Variants in STRN observed in about 807,000 individuals in gnomAD.
The protein encoded by STRN is striatin.
Under a neutral mutation model 96.3 loss-of-function variants are expected in STRN, and 53 were observed. The ratio of observed to expected loss-of-function variants is 0.55; its 90% CI spans 0.44 to 0.69. STRN has a LOEUF of 0.69. STRN is among the 30% of genes least tolerant of loss of function. The probability of loss-of-function intolerance (pLI) is 0.00; values close to 1 mark genes in which losing one functional copy is unlikely to be tolerated. For missense variants in STRN, 987 were observed against 963.9 expected (o/e 1.02, Z -0.32); for synonymous variants, 428 against 355.9 (o/e 1.20, Z -2.28).
In STRN at chr2:36,848,473, A is replaced by G. The variant is rs944623289; in HGVS notation, c.*983T>C. The G allele has an allele frequency of 6.6e-6, 1 of 152,232 alleles. No individual in the cohort carries two copies. Among genetic ancestry groups the G allele is most frequent in the Non-Finnish European group, 1.5e-5 (1 of 68,036 alleles). The allele number at this position is 152,232 out of a possible 1,614,324, so 9.4% of individuals were successfully genotyped here. A position where few individuals can be genotyped will look rare whatever the true frequency, so the allele number is the denominator to read the frequency against. On this transcript the variant is annotated 3_prime_UTR_variant, in exon 18 of 18. Coordinates refer to ENST00000263918, the MANE Select transcript of STRN (RefSeq NM_003162.4). ...ACGTGACAAAGAAGAAAGAGCACAG[A>G]TCATCTGAAGCATGATTAGGTGGGT...
intron 12 of STRN, among the ~76,000 whole-genome samples, chr2:36,865,909 A>C (rs1217271830): frequency 1.3e-5 from 2 of 152,058 alleles, no homozygotes; most frequent in African/African-American, 4.8e-5. Flanking sequence ...TTCCCTCTCA[A>C]CACAGAATTT....
intron 7 of STRN, among the ~76,000 whole-genome samples, chr2:36,891,612 A>G (rs965914456): frequency 2.0e-5 from 3 of 152,226 alleles, no homozygotes; most frequent in African/African-American, 7.2e-5. Context: ...AGGCAGAAAA[A>G]TTAGCAACAT....
At chr2:36,947,777 G>C (rs1460164711) in intron 1 of STRN, among the ~76,000 whole-genome samples, 6 of 151,748 alleles carry the variant, frequency 4.0e-5, no homozygotes, top group African/African-American at 1.4e-4. Context: ...AAATTAAAAA[G>C]TTTAACATTC....
intron 16 of STRN, among the ~76,000 whole-genome samples, chr2:36,850,302 G>A (rs541485778): frequency 6.6e-6 from 1 of 152,300 alleles, no homozygotes; most frequent in African/African-American, 2.4e-5. Context: ...AAAGTCAGCA[G>A]AAGTCAACAT....
At chr2:36,960,485 G>C (rs1665002648) in intron 1 of STRN, among the ~76,000 whole-genome samples, 1 of 152,180 alleles carries the variant, frequency 6.6e-6, no homozygotes, top group Non-Finnish European at 1.5e-5. Context: ...GGGATGAGGA[G>C]ATAACCGAGA....
intron 2 of STRN, among the ~76,000 whole-genome samples, chr2:36,920,724 C>T (rs1466085948): frequency 6.6e-6 from 1 of 151,794 alleles, no homozygotes; most frequent in East Asian, 1.9e-4. Flanking sequence ...AAAAAATCTT[C>T]CCTAGATTCA....
intron 1 of STRN, among the ~76,000 whole-genome samples, chr2:36,958,654 TA>T (rs770486852): frequency 2.6e-5 from 4 of 151,720 alleles, no homozygotes; most frequent in African/African-American, 4.8e-5. Flanking sequence ...AGATGGAAAA[TA>T]CAGAGCAGAT....
intron 1 of STRN, among the ~76,000 whole-genome samples, chr2:36,936,233 C>T (rs13413438): frequency 0.079 from 12,043 of 152,200 alleles, 736 homozygotes; most frequent in African/African-American, 0.17. Context: ...GACACCATTC[C>T]TGGACAGTAA....
rs182372739 is a variant in STRN at position 36,860,100 on chromosome 2, T to C, written c.1669+1032A>G. Among the ~76,000 whole-genome samples, 248 of 152,278 alleles carry C rather than the reference T, an allele frequency of 1.6e-3. 4 individuals are homozygous for C. The highest frequency in any genetic ancestry group is 5.8e-3 in the African/African-American group (241 of 41,546). On this transcript the variant is annotated intron_variant, in intron 13 of 17. Coordinates refer to ENST00000263918, the MANE Select transcript of STRN (RefSeq NM_003162.4). Reference sequence around the variant, plus strand: ...CAGAATGGAAGATACCCGAATTTACTTATTTGCTGAGGGGATGGAAAGGGA... The same window carrying C: ...CAGAATGGAAGATACCCGAATTTACCTATTTGCTGAGGGGATGGAAAGGGA...
intron 1 of STRN, among the ~76,000 whole-genome samples, chr2:36,951,255 C>T (rs919512731): frequency 6.6e-6 from 1 of 152,240 alleles, no homozygotes; most frequent in Non-Finnish European, 1.5e-5. Flanking sequence ...CAACACTATA[C>T]TCACAACTAC....
In STRN at chr2:36,945,404, G is replaced by A. The variant is rs530081508; in HGVS notation, c.235-20196C>T. Among the ~76,000 whole-genome samples the A allele has an allele frequency of 7.2e-5, 11 of 152,176 alleles. No individual in the cohort carries two copies. In the South Asian group the frequency reaches 8.3e-4, roughly 11 times the overall value. On this transcript the variant is annotated intron_variant, in intron 1 of 17. Transcript: ENST00000263918. ...ATGCAGAGGTCAGGCATGGTGGCTC[G>A]CGCCTGTAATCCCAGCACTTTGGGA...
rs13385893 is a variant in STRN at position 36,849,331 on chromosome 2, T to C, written c.*125A>G. On this transcript the variant is annotated 3_prime_UTR_variant, in exon 18 of 18. Transcript: ENST00000263918. ...AATTGCAAAACTATACTTCAACAAA[T>C]GTTCTCTGTGCTCCTTCAGCAGAAC... 0.015 allele frequency: 16,867 copies of C among 1,141,098 alleles called. 172 individuals carry two copies. The highest frequency in any genetic ancestry group is 0.046 in the African/African-American group (2,930 of 64,152). The allele number at this position is 1,141,098 out of a possible 1,614,324, so 70.7% of individuals were successfully genotyped here.
At chr2:36,964,181 G>C (rs546583772) in intron 1 of STRN, among the ~76,000 whole-genome samples, 1 of 66,600 alleles carries the variant, frequency 1.5e-5, no homozygotes, top group African/African-American at 8.1e-5. Context: ...TGAACGGGGC[G>C]GGGCGGGGGG....
Position 36,966,421 on chromosome 2 carries a change from GGTT to G in STRN, c.40_42del (p.Asn14del). On this transcript the variant is annotated inframe_deletion, in exon 1 of 18. Coordinates refer to ENST00000263918, the MANE Select transcript of STRN (RefSeq NM_003162.4). ...CCCTTGGCACCGCCGGCGCCCGGGTGGTTGTTGCTGAAGAAGACGCCGGGACCC... is the reference window on the plus strand; with the variant it reads ...CCCTTGGCACCGCCGGCGCCCGGGTGGTTGCTGAAGAAGACGCCGGGACCC... 2.0e-6 allele frequency: 3 copies of G among 1,464,696 alleles called. No homozygotes were observed. Among genetic ancestry groups the G allele is most frequent in the Non-Finnish European group, 2.7e-6 (3 of 1,109,486 alleles). 90.7% of individuals were successfully genotyped at this position (1,464,696 alleles called of 1,614,324 possible).
At chr2:36,855,444 C>T in intron 14 of STRN, 92 bp from the exon 15 acceptor site, 1 of 1,317,890 alleles carries the variant, frequency 7.6e-7, no homozygotes, top group Non-Finnish European at 1.0e-6. Flanking sequence ...GGCATGGTTT[C>T]CTTAAGAAGT....
In STRN at chr2:36,838,066, T is replaced by C. The variant is rs77568463; in HGVS notation, c.*11390A>G. On this transcript the variant is annotated 3_prime_UTR_variant, in exon 18 of 18. Transcript: ENST00000263918. ...GCTACTAATCAGTTGACCTTAACAA[T>C]CTGGGTGTGCTTAAACTAGTCACAA... is the stretch of plus-strand genomic sequence containing the variant. 6.4e-3 allele frequency among the ~76,000 whole-genome samples: 968 copies of C among 152,296 alleles called. 11 individuals are homozygous for C. The highest frequency in any genetic ancestry group is 0.022 in the African/African-American group (899 of 41,556).
rs2717511 is a variant in STRN, at chr2:36,842,507, C to T, written c.*6949G>A. ...GAGCTGGCATCTGGACCACTCTTCA[C>T]GTAAGGTGAATGGCTAAATCACCAA... On this transcript the variant is annotated 3_prime_UTR_variant, in exon 18 of 18. Transcript: ENST00000263918. 134,432 of 152,180 alleles carry T rather than the reference C, an allele frequency of 0.88. 60,769 individuals are homozygous for T. The highest frequency in any genetic ancestry group is 0.98 in the Non-Finnish European group (66,395 of 68,030). 9.4% of individuals were successfully genotyped at this position (152,180 alleles called of 1,614,324 possible).
chr2:36,901,565 AAAAAC>A (rs1669684931), intron 5 of STRN, among the ~76,000 whole-genome samples: 2 of 151,350 alleles, frequency 1.3e-5, no homozygotes, highest in African/African-American at 4.9e-5. Flanking sequence ...AAAAAAAAAA[AAAAAC>A]ATTTATACTA....
chr2:36,887,384 C>T (rs905282290), intron 7 of STRN, among the ~76,000 whole-genome samples: 11 of 151,898 alleles, frequency 7.2e-5, no homozygotes, highest in Middle Eastern at 3.4e-3. Context: ...GCAGAAGACT[C>T]GCCTGAACCC....
Sources: gnomAD v4.1 joint callset for allele counts (sites outside exome capture counted in the v4.1 genomes callset) on GRCh38, gnomAD v4.1.1 for gene constraint, MANE v1.5 for transcripts, NCBI Gene and HGNC (gene_info 2026-07-23, HGNC 2026-07-21) for gene names.